ALDH1L2: variants seen among roughly 807,000 people sequenced by gnomAD.
ALDH1L2 encodes the protein aldehyde dehydrogenase 1 family member L2, also known as mitochondrial 10-formyltetrahydrofolate dehydrogenase.
A neutral mutation model predicts 111.0 loss-of-function variants in ALDH1L2; 91 were observed. The ratio of observed to expected loss-of-function variants is 0.82; its 90% CI spans 0.69 to 0.98. ALDH1L2 has a LOEUF of 0.98. ALDH1L2 is among the 50% of genes least tolerant of loss of function. The pLI is 0.00. For synonymous variants in ALDH1L2, 374 were observed against 392.6 expected, an observed-to-expected ratio of 0.95 and a Z score of 0.56; for missense variants, 995 against 1,126.8, an observed-to-expected ratio of 0.88 and a Z score of 1.67.
At chr12:105,076,315 C>T (rs967944045) in intron 1 of ALDH1L2, among the ~76,000 whole-genome samples, 4 of 152,086 alleles carry the variant, frequency 2.6e-5, no homozygotes, top group South Asian at 4.2e-4. Context: ...TGGGGAGTTT[C>T]GGTCAGGAAG....
intron 10 of ALDH1L2, among the ~76,000 whole-genome samples, chr12:105,054,874 A>T (rs1876517705): frequency 6.6e-6 from 1 of 152,086 alleles, no homozygotes; most frequent in Admixed American, 6.6e-5. Context: ...ACTAGATCTG[A>T]CTCAGAGCTT....
chr12:105,069,695 G>A (rs1565971017), intron 3 of ALDH1L2, among the ~76,000 whole-genome samples: 2 of 152,148 alleles, frequency 1.3e-5, no homozygotes, highest in African/African-American at 4.8e-5. Flanking sequence ...ACCAAGTGTA[G>A]GCTTCCAGCT....
intron 19 of ALDH1L2, among the ~76,000 whole-genome samples, chr12:105,032,174 CTTTTTTTT>C: frequency 9.4e-6 from 1 of 105,984 alleles, no homozygotes; most frequent in African/African-American, 3.6e-5. Context: ...CCTCGAACTT[CTTTTTTTT>C]TTTTTTTTTT....
chr12:105,062,645 CCAGCGAGTGGGAAG>C (rs1877069773), intron 7 of ALDH1L2, among the ~76,000 whole-genome samples: 1 of 151,966 alleles, frequency 6.6e-6, no homozygotes, highest in South Asian at 2.1e-4. Flanking sequence ...CTGCCCAAGA[CCAGCGAGTGGGAAG>C]CAGGGATTCA....
At chr12:105,063,068 G>T (rs1223246990) in intron 6 of ALDH1L2, 46 bp from the exon 7 acceptor site, 1 of 1,588,844 alleles carries the variant, frequency 6.3e-7, no homozygotes, top group Non-Finnish European at 8.5e-7. Flanking sequence ...GAGAAAAGCT[G>T]TTCATAGCGG....
At chr12:105,072,179 A>G (rs935599015) in intron 2 of ALDH1L2, among the ~76,000 whole-genome samples, 4 of 148,118 alleles carry the variant, frequency 2.7e-5, no homozygotes, top group African/African-American at 9.8e-5. Context: ...TATGATATCT[A>G]TTAATATCCT....
chr12:105,058,744 TGTTA>T (rs772190635), intron 9 of ALDH1L2, among the ~76,000 whole-genome samples: 10 of 152,222 alleles, frequency 6.6e-5, no homozygotes, highest in African/African-American at 1.7e-4. Flanking sequence ...TGATTTCCAC[TGTTA>T]GTTTGTCAAA....
At chr12:105,065,385 C>T in intron 5 of ALDH1L2, 29 bp from the exon 6 acceptor site, 1 of 1,583,764 alleles carries the variant, frequency 6.3e-7, no homozygotes, top group South Asian at 1.1e-5. Flanking sequence ...CAGGCTGAGC[C>T]TCCTATGGCT....
intron 9 of ALDH1L2, among the ~76,000 whole-genome samples, chr12:105,059,370 A>C (rs1876848535): frequency 6.6e-6 from 1 of 151,570 alleles, no homozygotes; most frequent in Admixed American, 6.6e-5. Context: ...TGTAATCCCA[A>C]CTAGTAGGGA....
At chr12:105,035,304 A>G (rs1050646661) in intron 18 of ALDH1L2, among the ~76,000 whole-genome samples, 1 of 152,096 alleles carries the variant, frequency 6.6e-6, no homozygotes, top group Non-Finnish European at 1.5e-5. Context: ...TATAATCACA[A>G]TTTTTAAAAT....
At chr12:105,038,258 TCTCACACACACACACACACAAACACACA>T (rs1453652726) in intron 17 of ALDH1L2, 56 bp from the exon 18 acceptor site, 1 of 707,704 alleles carries the variant, frequency 1.4e-6, no homozygotes, top group Non-Finnish European at 2.3e-6. Flanking sequence ...TCTCTCTCTC[TCTCACACACACACACACACAAACACACA>T]CACACACACA....
chr12:105,036,028 T>C (rs193048757), intron 18 of ALDH1L2, among the ~76,000 whole-genome samples: 1 of 106,412 alleles, frequency 9.4e-6, no homozygotes, highest in Non-Finnish European at 1.7e-5. Flanking sequence ...ATTATATATA[T>C]ACGTATATTT....
At chr12:105,060,005 G>A (rs1321303156) in intron 9 of ALDH1L2, among the ~76,000 whole-genome samples, 1 of 152,140 alleles carries the variant, frequency 6.6e-6, no homozygotes, top group Non-Finnish European at 1.5e-5. Flanking sequence ...TGCACCAGTA[G>A]GATCCTGGTC....
At chr12:105,033,544 A>T (rs925257361) in intron 19 of ALDH1L2, among the ~76,000 whole-genome samples, 1 of 152,152 alleles carries the variant, frequency 6.6e-6, no homozygotes, top group African/African-American at 2.4e-5. Context: ...TGGGGTGTGG[A>T]GAATTGGCTC....
chr12:105,030,182 C>A (rs375173780), intron 21 of ALDH1L2, 142 bp downstream of exon 21: 38 of 551,696 alleles, frequency 6.9e-5, no homozygotes, highest in African/African-American at 6.8e-4. Flanking sequence ...AAAAGCGTAA[C>A]TTCTAATTAT....
intron 4 of ALDH1L2, among the ~76,000 whole-genome samples, chr12:105,068,229 T>A (rs1204962311): frequency 6.6e-6 from 1 of 152,164 alleles, no homozygotes; most frequent in Non-Finnish European, 1.5e-5. Context: ...TTGTGTAGGC[T>A]AATATTGCAA....
chr12:105,029,614 T>G (rs1476499109), intron 21 of ALDH1L2, among the ~76,000 whole-genome samples: 6 of 152,198 alleles, frequency 3.9e-5, no homozygotes, highest in African/African-American at 1.4e-4. Flanking sequence ...TATCAAAGGT[T>G]ACTCACTACA....
chr12:105,028,984 C>T (rs1331275645), intron 21 of ALDH1L2, among the ~76,000 whole-genome samples: 5 of 150,324 alleles, frequency 3.3e-5, no homozygotes, highest in African/African-American at 1.2e-4. Flanking sequence ...ATTTTCCCGT[C>T]TATGCTAGAA....
At chr12:105,027,796 A>G (rs1682295340) in intron 21 of ALDH1L2, among the ~76,000 whole-genome samples, 1 of 152,212 alleles carries the variant, frequency 6.6e-6, no homozygotes, top group Non-Finnish European at 1.5e-5. Context: ...CATAAATTGG[A>G]AGATAAAAGT....
Sources: gnomAD v4.1 joint callset for allele counts (sites outside exome capture counted in the v4.1 genomes callset) on GRCh38, gnomAD v4.1.1 for gene constraint, MANE v1.5 for transcripts, NCBI Gene and HGNC (gene_info 2026-07-23, HGNC 2026-07-21) for gene names.